Variants in THSD7B observed in about 807,000 individuals in gnomAD.
THSD7B encodes the protein thrombospondin type-1 domain-containing protein 7B.
THSD7B carries 138 observed loss-of-function variants against 213.6 expected under a neutral mutation model. That is an observed-to-expected ratio of 0.65 (90% CI 0.56 to 0.74). The LOEUF is 0.74. Ranked by LOEUF, THSD7B falls within the 30% of genes least tolerant of loss-of-function variation. THSD7B has a pLI of 0.00. For missense variants in THSD7B, 1,931 were observed against 1,991.5 expected, an observed-to-expected ratio of 0.97 and a Z score of 0.58; for synonymous variants, 742 against 687.0, an observed-to-expected ratio of 1.08 and a Z score of -1.25.
chr2:137,170,970 G>A (rs751846180), intron 7 of THSD7B, 32 bp downstream of exon 7: 2 of 1,607,168 alleles, frequency 1.2e-6, no homozygotes, highest in African/African-American at 1.3e-5. Flanking sequence ...GAGGTGTTAG[G>A]ATGTTAAGTA....
intron 9 of THSD7B, among the ~76,000 whole-genome samples, chr2:137,237,352 G>A (rs948780355): frequency 2.6e-5 from 4 of 152,174 alleles, no homozygotes; most frequent in African/African-American, 7.2e-5. Flanking sequence ...TGTTTCTCTG[G>A]GTTTCAAGGC....
At chr2:137,195,142 C>A (rs1326834838) in intron 7 of THSD7B, among the ~76,000 whole-genome samples, 4 of 151,972 alleles carry the variant, frequency 2.6e-5, no homozygotes, top group African/African-American at 9.7e-5. Flanking sequence ...GTATTCACAA[C>A]TTTTTGGTAG....
chr2:137,159,473 A>C (rs1679971429), intron 5 of THSD7B, among the ~76,000 whole-genome samples: 2 of 150,148 alleles, frequency 1.3e-5, no homozygotes, highest in African/African-American at 5.0e-5. Context: ...AAGAGCAAAA[A>C]ATAAAAAGAA....
At chr2:137,575,744 T>TATATATATA (rs1558845594) in intron 17 of THSD7B, among the ~76,000 whole-genome samples, 141 of 111,586 alleles carry the variant, frequency 1.3e-3, no homozygotes, top group African/African-American at 3.7e-3. Flanking sequence ...ATATATATAT[T>TATATATATA]TTTACTTTAA....
At chr2:136,836,160 A>G (rs944366558) in intron 1 of THSD7B, among the ~76,000 whole-genome samples, 4 of 152,196 alleles carry the variant, frequency 2.6e-5, no homozygotes, top group African/African-American at 9.7e-5. Context: ...TGGAAATATT[A>G]TTGTATTATT....
At chr2:136,785,097 A>G (rs543428138) in intron 1 of THSD7B, among the ~76,000 whole-genome samples, 1 of 152,298 alleles carries the variant, frequency 6.6e-6, no homozygotes, top group African/African-American at 2.4e-5. Context: ...GGAGTCTGCC[A>G]TGATCTGAGC....
chr2:136,916,136 AT>A (rs1276748995), intron 2 of THSD7B, among the ~76,000 whole-genome samples: 3 of 151,918 alleles, frequency 2.0e-5, no homozygotes, highest in African/African-American at 7.3e-5. Context: ...TCTTGTTTTT[AT>A]TTTTTTTAAT....
intron 5 of THSD7B, among the ~76,000 whole-genome samples, chr2:137,120,076 C>A (rs936277734): frequency 6.6e-6 from 1 of 152,026 alleles, no homozygotes; most frequent in African/African-American, 2.4e-5. Flanking sequence ...TTTAAGTGGG[C>A]TTATAGCATT....
Position 136,821,041 on chromosome 2 carries a change from C to T in THSD7B, c.-36+55354C>T, listed in dbSNP as rs117460509. 3.6e-3 allele frequency among the ~76,000 whole-genome samples: 544 copies of T among 152,236 alleles called. 22 individuals are homozygous for T. In the East Asian group the frequency reaches 0.078, roughly 22 times the overall value. On this transcript the variant is annotated intron_variant, in intron 1 of 27. Coordinates refer to ENST00000409968, the MANE Select transcript of THSD7B (RefSeq NM_001316349.2). ...TATTAGGTAGAACCGTATAAAATTA[C>T]TAATATTTGGACTTTTTTGTGTATA...
At chr2:136,871,444 T>C (rs1225412695) in intron 1 of THSD7B, among the ~76,000 whole-genome samples, 1 of 151,724 alleles carries the variant, frequency 6.6e-6, no homozygotes, top group African/African-American at 2.4e-5. Context: ...TGAAAATAAA[T>C]AGCCTGAGAG....
chr2:137,521,114 G>A (rs2105166517), intron 15 of THSD7B, among the ~76,000 whole-genome samples: 1 of 152,258 alleles, frequency 6.6e-6, no homozygotes, highest in East Asian at 1.9e-4. Flanking sequence ...TTTGGGCATT[G>A]CCAGGGAGAT....
intron 5 of THSD7B, among the ~76,000 whole-genome samples, chr2:137,147,501 A>C (rs1679726144): frequency 6.6e-6 from 1 of 150,658 alleles, no homozygotes. Flanking sequence ...TTTTAGAGAC[A>C]CAGAGTTCTT....
intron 1 of THSD7B, among the ~76,000 whole-genome samples, chr2:136,816,125 T>C (rs1682469708): frequency 6.6e-6 from 1 of 152,194 alleles, no homozygotes; most frequent in Non-Finnish European, 1.5e-5. Flanking sequence ...GCTCAGACAA[T>C]CTGCACACCT....
chr2:137,503,503 G>A (rs1055411360), intron 15 of THSD7B, among the ~76,000 whole-genome samples: 8 of 152,106 alleles, frequency 5.3e-5, no homozygotes, highest in Non-Finnish European at 1.0e-4. Context: ...GGCTGTACAT[G>A]TAGCTATTAT....
At chr2:137,628,043 G>A (rs560806557) in intron 20 of THSD7B, among the ~76,000 whole-genome samples, 11 of 152,286 alleles carry the variant, frequency 7.2e-5, no homozygotes, top group South Asian at 2.1e-4. Flanking sequence ...ACATGTTAGC[G>A]GTTTAGTTTT....
intron 12 of THSD7B, among the ~76,000 whole-genome samples, chr2:137,302,413 C>T (rs1683628643): frequency 6.6e-6 from 1 of 152,012 alleles, no homozygotes; most frequent in Non-Finnish European, 1.5e-5. Context: ...CTAAATGTTG[C>T]TGAAAGGACA....
intron 2 of THSD7B, among the ~76,000 whole-genome samples, chr2:136,957,931 A>G (rs1309914853): frequency 6.6e-6 from 1 of 152,224 alleles, no homozygotes; most frequent in Non-Finnish European, 1.5e-5. Flanking sequence ...ATCAGGATAT[A>G]TAAAGGTCTA....
chr2:136,826,254 G>C (rs947900700), intron 1 of THSD7B, among the ~76,000 whole-genome samples: 2 of 152,172 alleles, frequency 1.3e-5, no homozygotes, highest in Admixed American at 6.5e-5. Context: ...AAGAAGCCAG[G>C]TTCCCAGGAT....
intron 2 of THSD7B, among the ~76,000 whole-genome samples, chr2:136,888,593 T>C (rs938697602): frequency 6.6e-6 from 1 of 152,082 alleles, no homozygotes; most frequent in Admixed American, 6.6e-5. Flanking sequence ...TGGATATTGG[T>C]TTATCTAAGA....
Sources: allele counts gnomAD v4.1 joint callset (sites outside exome capture counted in the v4.1 genomes callset), GRCh38; gene constraint gnomAD v4.1.1; transcripts MANE v1.5; gene names NCBI Gene and HGNC (gene_info 2026-07-23, HGNC 2026-07-21).